Variants in RBFOX1 observed in about 807,000 individuals in gnomAD.
RBFOX1 encodes the protein RNA binding fox-1 homolog 1.
A neutral mutation model predicts 57.7 loss-of-function variants in RBFOX1; 8 were observed. The observed-to-expected ratio is 0.14, with a 90% CI of 0.08 to 0.25. RBFOX1 has a LOEUF of 0.25. Among genes scored for constraint, RBFOX1 ranks in the 10% least tolerant of loss-of-function variants. The pLI is 1.00. For synonymous variants in RBFOX1, 326 were observed against 222.4 expected (o/e 1.47, Z -4.15); for missense variants, 611 against 548.5 (o/e 1.11, Z -1.14).
chr16:7,136,962 C>G (rs2072194641), intron 4 of RBFOX1, among the ~76,000 whole-genome samples: 1 of 152,210 alleles, frequency 6.6e-6, no homozygotes, highest in Non-Finnish European at 1.5e-5. Flanking sequence ...TGGGCCAGGA[C>G]TGGATGCCCA....
chr16:5,917,738 G>A (rs1449622343), intron 4 of RBFOX1, among the ~76,000 whole-genome samples: 1 of 152,172 alleles, frequency 6.6e-6, no homozygotes, highest in Admixed American at 6.5e-5. Flanking sequence ...GCTTCACCAC[G>A]TGATCCCTCA....
At chr16:7,147,215 G>C (rs373445502) in intron 4 of RBFOX1, among the ~76,000 whole-genome samples, 1 of 150,556 alleles carries the variant, frequency 6.6e-6, no homozygotes, top group African/African-American at 2.4e-5. Flanking sequence ...ATGTTGGCCA[G>C]GCTGGTCAGG....
intron 1 of RBFOX1, among the ~76,000 whole-genome samples, chr16:6,096,023 T>G (rs969078764): frequency 2.0e-5 from 3 of 152,204 alleles, no homozygotes; most frequent in African/African-American, 7.2e-5. Flanking sequence ...TTTCAGAGTT[T>G]AAGACGATGG....
At chr16:7,096,058 G>C (rs757568787) in intron 4 of RBFOX1, among the ~76,000 whole-genome samples, 1 of 150,742 alleles carries the variant, frequency 6.6e-6, no homozygotes, top group South Asian at 2.1e-4. Context: ...AAAACATGGA[G>C]AGCATCTAAT....
At chr16:6,963,941 A>G (rs1466686764) in intron 3 of RBFOX1, among the ~76,000 whole-genome samples, 1 of 151,556 alleles carries the variant, frequency 6.6e-6, no homozygotes, top group African/African-American at 2.4e-5. Context: ...ATCATGATCC[A>G]CCCGCCTCGG....
intron 1 of RBFOX1, among the ~76,000 whole-genome samples, chr16:6,084,908 G>A (rs764858682): frequency 2.0e-5 from 3 of 152,152 alleles, no homozygotes; most frequent in South Asian, 2.1e-4. Flanking sequence ...GCTCTGAGAT[G>A]ATATCTCAGT....
At chr16:5,683,193 C>G (rs528651101) in intron 3 of RBFOX1, among the ~76,000 whole-genome samples, 85 of 152,196 alleles carry the variant, frequency 5.6e-4, no homozygotes, top group African/African-American at 1.9e-3. Context: ...GGCCAAGTCT[C>G]TCAACCTTAG....
intron 7 of RBFOX1, among the ~76,000 whole-genome samples, chr16:7,590,636 G>A (rs1052592470): frequency 2.6e-5 from 4 of 151,974 alleles, no homozygotes; most frequent in African/African-American, 4.8e-5. Context: ...GAGGCAGGCG[G>A]ATCACCTGAG....
chr16:6,901,809 C>T (rs1003467756), intron 3 of RBFOX1, among the ~76,000 whole-genome samples: 3 of 152,160 alleles, frequency 2.0e-5, no homozygotes, highest in Non-Finnish European at 4.4e-5. Context: ...CATAATACTT[C>T]ACTGTTATAT....
At chr16:6,557,632 C>T (rs988405101) in intron 2 of RBFOX1, among the ~76,000 whole-genome samples, 2 of 152,176 alleles carry the variant, frequency 1.3e-5, no homozygotes, top group African/African-American at 4.8e-5. Context: ...CTGATTAATT[C>T]CCATTCTATC....
intron 1 of RBFOX1, among the ~76,000 whole-genome samples, chr16:6,292,503 A>G (rs1205864448): frequency 2.0e-5 from 3 of 152,156 alleles, no homozygotes; most frequent in Admixed American, 6.5e-5. Flanking sequence ...TACTGAAAGC[A>G]GCCTCTTAAT....
At chr16:6,484,734 C>G (rs1185329785) in intron 2 of RBFOX1, among the ~76,000 whole-genome samples, 1 of 152,094 alleles carries the variant, frequency 6.6e-6, no homozygotes, top group Non-Finnish European at 1.5e-5. Flanking sequence ...GGGCTCCAAG[C>G]AGAATTGTGA....
chr16:7,615,888 G>C (rs767026693), intron 10 of RBFOX1, among the ~76,000 whole-genome samples: 1 of 152,112 alleles, frequency 6.6e-6, no homozygotes, highest in African/African-American at 2.4e-5. Context: ...CCTCATTGAC[G>C]CTATTCGAGA....
intron 2 of RBFOX1, among the ~76,000 whole-genome samples, chr16:6,391,546 G>A (rs1178145099): frequency 2.0e-5 from 3 of 151,622 alleles, no homozygotes; most frequent in Non-Finnish European, 2.9e-5. Flanking sequence ...ATCATGATTT[G>A]ATTCACATTT....
intron 1 of RBFOX1, among the ~76,000 whole-genome samples, chr16:6,107,647 G>A (rs897817881): frequency 8.1e-5 from 12 of 148,196 alleles, no homozygotes; most frequent in East Asian, 4.1e-4. Flanking sequence ...ATTGGTGGAC[G>A]GATGAAAGGA....
intron 1 of RBFOX1, among the ~76,000 whole-genome samples, chr16:6,246,710 G>A (rs1002968906): frequency 3.3e-5 from 5 of 152,210 alleles, no homozygotes; most frequent in Admixed American, 1.3e-4. Context: ...GTATAACTGC[G>A]GACTGGATAG....
intron 3 of RBFOX1, among the ~76,000 whole-genome samples, chr16:5,813,407 G>A (rs1338874658): frequency 6.6e-6 from 1 of 151,912 alleles, no homozygotes; most frequent in Non-Finnish European, 1.5e-5. Context: ...ATTCCTCCCC[G>A]GCCCTCAGTA....
chr16:5,722,532 T>G (rs778340945), intron 3 of RBFOX1, among the ~76,000 whole-genome samples: 62 of 152,150 alleles, frequency 4.1e-4, no homozygotes, highest in Non-Finnish European at 1.6e-4. Context: ...AGGGGGGCAT[T>G]CAAAGACACC....
At chr16:6,454,588 C>G (rs1180533257) in intron 2 of RBFOX1, among the ~76,000 whole-genome samples, 1 of 151,990 alleles carries the variant, frequency 6.6e-6, no homozygotes. Context: ...TGAAAACAAA[C>G]AAAAAACACC....
Sources: allele counts gnomAD v4.1 joint callset (sites outside exome capture counted in the v4.1 genomes callset), GRCh38; gene constraint gnomAD v4.1.1; transcripts MANE v1.5; gene names NCBI Gene and HGNC (gene_info 2026-07-23, HGNC 2026-07-21).